Variants in HMGCLL1 observed in about 807,000 individuals in gnomAD.
HMGCLL1 encodes the protein 3-hydroxymethyl-3-methylglutaryl-CoA lyase, cytoplasmic.
A neutral mutation model predicts 39.1 loss-of-function variants in HMGCLL1; 36 were observed. The observed-to-expected ratio is 0.92, with a 90% CI of 0.71 to 1.22. The LOEUF (loss-of-function observed/expected upper bound fraction) is 1.22. Ranked by LOEUF, HMGCLL1 falls within the 50% of genes most tolerant of loss-of-function variation. HMGCLL1 has a pLI of 0.00. For missense variants in HMGCLL1, 451 were observed against 416.5 expected (o/e 1.08, Z -0.72); for synonymous variants, 149 against 144.0 (o/e 1.03, Z -0.25).
At chr6:55,661,527 T>C in the HMGCLL1 span, among the ~76,000 whole-genome samples, 5 of 152,006 alleles carry the variant, frequency 3.3e-5, no homozygotes, top group South Asian at 2.1e-4. Flanking sequence ...ATTGTAGGTG[T>C]GTGGACTTAT....
At chr6:55,617,557 G>T in the HMGCLL1 span, among the ~76,000 whole-genome samples, 1 of 152,038 alleles carries the variant, frequency 6.6e-6, no homozygotes, top group Non-Finnish European at 1.5e-5. Flanking sequence ...CTTCATAATT[G>T]TGTTTTATTA....
chr6:55,629,548 C>T, the HMGCLL1 span, among the ~76,000 whole-genome samples: 2 of 152,120 alleles, frequency 1.3e-5, no homozygotes. Context: ...TAACAAAGAG[C>T]CGAATGTTAA....
the HMGCLL1 span, among the ~76,000 whole-genome samples, chr6:55,614,242 G>C: frequency 6.6e-6 from 1 of 152,116 alleles, no homozygotes; most frequent in Non-Finnish European, 1.5e-5. Context: ...GAAATGTGAA[G>C]ATTAGATCTG....
chr6:55,537,475 T>C (rs1769099385), intron 3 of HMGCLL1, among the ~76,000 whole-genome samples: 1 of 152,202 alleles, frequency 6.6e-6, no homozygotes, highest in Non-Finnish European at 1.5e-5. Flanking sequence ...TACACATACT[T>C]TAATCTTCAG....
At chr6:55,485,448 T>C (rs1765974761) in intron 7 of HMGCLL1, among the ~76,000 whole-genome samples, 1 of 151,912 alleles carries the variant, frequency 6.6e-6, no homozygotes, top group African/African-American at 2.4e-5. Context: ...AGATGTTTCT[T>C]AAAATAAATT....
the HMGCLL1 span, among the ~76,000 whole-genome samples, chr6:55,665,510 C>T: frequency 2.6e-5 from 4 of 151,676 alleles, no homozygotes; most frequent in South Asian, 8.3e-4. Flanking sequence ...GAAGAGATTC[C>T]AATGCTGAAA....
chr6:55,530,915 T>C (rs986529080), intron 3 of HMGCLL1, among the ~76,000 whole-genome samples: 6 of 152,204 alleles, frequency 3.9e-5, no homozygotes, highest in African/African-American at 1.2e-4. Flanking sequence ...CGTATGTCTT[T>C]AAAACGCATT....
chr6:55,460,169 T>C (rs982234500), intron 7 of HMGCLL1, among the ~76,000 whole-genome samples: 1 of 151,962 alleles, frequency 6.6e-6, no homozygotes, highest in Non-Finnish European at 1.5e-5. Context: ...TATAGCTGTG[T>C]TTTAGAAATT....
At chr6:55,562,454 GA>G (rs923763331) in intron 1 of HMGCLL1, among the ~76,000 whole-genome samples, 1 of 151,960 alleles carries the variant, frequency 6.6e-6, no homozygotes, top group African/African-American at 2.4e-5. Flanking sequence ...TGAGTACTTC[GA>G]AAAAAATGAG....
intron 7 of HMGCLL1, among the ~76,000 whole-genome samples, chr6:55,451,995 T>A (rs1279696775): frequency 6.6e-6 from 1 of 152,176 alleles, no homozygotes; most frequent in Non-Finnish European, 1.5e-5. Context: ...TAGAACATAA[T>A]AAGTTATTAT....
chr6:55,479,122 C>A (rs191907663), intron 7 of HMGCLL1, among the ~76,000 whole-genome samples: 2 of 151,516 alleles, frequency 1.3e-5, no homozygotes, highest in East Asian at 3.9e-4. Flanking sequence ...CGTTTTGCAG[C>A]TGAAAAGAAT....
At chr6:55,631,483 A>C in the HMGCLL1 span, among the ~76,000 whole-genome samples, 499 of 152,190 alleles carry the variant, frequency 3.3e-3, 5 homozygotes, top group Middle Eastern at 0.01. Context: ...GTTGTCTGCC[A>C]GCGTCAGGAC....
chr6:55,622,691 G>A, the HMGCLL1 span, among the ~76,000 whole-genome samples: 4 of 151,970 alleles, frequency 2.6e-5, no homozygotes, highest in South Asian at 2.1e-4. Context: ...TTACATCAAC[G>A]TTCATCAGAT....
chr6:55,648,553 A>G, the HMGCLL1 span, among the ~76,000 whole-genome samples: 39 of 78,174 alleles, frequency 5.0e-4, 1 homozygote, highest in African/African-American at 2.2e-3. Context: ...AATCCCACAT[A>G]AATACAAACT....
Position 55,522,205 on chromosome 6 carries a change from G to A in HMGCLL1, c.298-5602C>T, listed in dbSNP as rs1246884262. ...ATAAATTATTACTTTTTAGTGTATT[G>A]TAAAAGAAAAACATTTAATAACCCT... On this transcript the variant is annotated intron_variant, in intron 3 of 8. Transcript: ENST00000274901. Among the ~76,000 whole-genome samples the A allele has an allele frequency of 2.6e-5, 4 of 151,692 alleles. No individual in the cohort carries two copies. In the East Asian group the frequency reaches 5.8e-4, roughly 22 times the overall value.
In HMGCLL1 at chr6:55,435,627, G is replaced by A. The variant is rs558655031; in HGVS notation, c.*35C>T. On this transcript the variant is annotated 3_prime_UTR_variant, in exon 9 of 9. Transcript: ENST00000274901. ...TCAGATGAGTATTGTAGCTGAAATT[G>A]ATCTTCTCAACGGTACGTCATAAAT... The A allele has an allele frequency of 3.3e-6, 4 of 1,197,454 alleles. No individual in the cohort carries two copies. The highest frequency in any genetic ancestry group is 4.0e-4 in the Middle Eastern group (2 of 4,988). 74.2% of individuals were successfully genotyped at this position (1,197,454 alleles called of 1,614,324 possible). A position where few individuals can be genotyped will look rare whatever the true frequency, so the allele number is the denominator to read the frequency against.
chr6:55,629,626 C>T, the HMGCLL1 span, among the ~76,000 whole-genome samples: 1 of 152,180 alleles, frequency 6.6e-6, no homozygotes, highest in African/African-American at 2.4e-5. Context: ...CCTCCCATCA[C>T]AGGCTTGGAG....
chr6:55,540,032 GGGAGGGAGGGAGGGAGGGAA>G (rs1561947217), intron 3 of HMGCLL1, among the ~76,000 whole-genome samples: 6 of 72,918 alleles, frequency 8.2e-5, no homozygotes, highest in Non-Finnish European at 1.7e-4. Flanking sequence ...GAGGGAGGGA[GGGAGGGAGGGAGGGAGGGAA>G]GGAAGCAAAG....
At chr6:55,628,548 C>G in the HMGCLL1 span, among the ~76,000 whole-genome samples, 2 of 151,794 alleles carry the variant, frequency 1.3e-5, no homozygotes, top group South Asian at 4.1e-4. Flanking sequence ...AGGTGATCTG[C>G]CCACCTCGGC....
Sources: gnomAD v4.1 joint callset for allele counts (sites outside exome capture counted in the v4.1 genomes callset) on GRCh38, gnomAD v4.1.1 for gene constraint, MANE v1.5 for transcripts, NCBI Gene and HGNC (gene_info 2026-07-23, HGNC 2026-07-21) for gene names.